Variants in MCC observed in about 807,000 individuals in gnomAD.
The protein encoded by MCC is MCC regulator of Wnt signaling pathway.
MCC carries 90 observed loss-of-function variants against 116.2 expected under a neutral mutation model. That is an observed-to-expected ratio of 0.77 (90% CI 0.65 to 0.92). The LOEUF is 0.92. MCC is among the 40% of genes least tolerant of loss of function. The probability of loss-of-function intolerance (pLI) is 0.00; values close to 1 mark genes in which losing one functional copy is unlikely to be tolerated. For synonymous variants in MCC, 578 were observed against 510.5 expected, an observed-to-expected ratio of 1.13 and a Z score of -1.78; for missense variants, 1,516 against 1,312.2, an observed-to-expected ratio of 1.16 and a Z score of -2.40.
intron 1 of MCC, among the ~76,000 whole-genome samples, chr5:113,432,349 G>GA (rs1292872382): frequency 7.5e-4 from 103 of 138,208 alleles, no homozygotes; most frequent in Admixed American, 1.1e-3. Context: ...AAAAAGAAAA[G>GA]AAAAAAAAAC....
At chr5:113,265,610 C>T (rs1288070191) in intron 3 of MCC, among the ~76,000 whole-genome samples, 2 of 152,132 alleles carry the variant, frequency 1.3e-5, no homozygotes, top group African/African-American at 4.8e-5. Flanking sequence ...TATGAACACA[C>T]CCCCTTTTCA....
At position 113,488,346 on chromosome 5, in the gene MCC, G is replaced by A. The variant is rs1249880350; in HGVS notation, c.69C>T (p.Gly23=). 6.6e-7 allele frequency: 1 copy of A among 1,511,750 alleles called. No homozygotes were observed. Among genetic ancestry groups the A allele is most frequent in the Non-Finnish European group, 8.8e-7 (1 of 1,135,720 alleles). The allele number at this position is 1,511,750 out of a possible 1,614,324, so 93.6% of individuals were successfully genotyped here. ...SSSGGGGGGS[G]SSSSSSDTSS... ...ACGTGTCGCTGCTGCTGCTGCTGCT[G>A]CCGCTGCCGCCGCCGCCGCCGCCGC... The change falls in exon 1 of 19, where the codon GGC becomes GGT. Residue 23 remains glycine, a synonymous_variant. Transcript: ENST00000408903.
chr5:113,131,447 G>A (rs978199041), intron 5 of MCC, among the ~76,000 whole-genome samples: 3 of 152,256 alleles, frequency 2.0e-5, no homozygotes, highest in Middle Eastern at 3.4e-3. Context: ...CAATTTTTCA[G>A]AAGGCCTTAT....
At chr5:113,177,980 T>C (rs1292220550) in intron 3 of MCC, among the ~76,000 whole-genome samples, 1 of 152,232 alleles carries the variant, frequency 6.6e-6, no homozygotes, top group Admixed American at 6.5e-5. Context: ...AGAAGACTAT[T>C]TCACTATGTT....
At chr5:113,333,829 ATATATG>A (rs1375361946) in intron 3 of MCC, among the ~76,000 whole-genome samples, 6 of 24,426 alleles carry the variant, frequency 2.5e-4, no homozygotes, top group African/African-American at 5.1e-4. Context: ...ACATATATGT[ATATATG>A]TATATATGTA....
Position 113,262,191 on chromosome 5 carries a change from G to T in MCC, c.627+78328C>A, listed in dbSNP as rs546721287. ...CCTCTAGGATGTCCTGCACTTTCAG[G>T]CTCCTCTCTTTAGCACATGCCTAAG... is the stretch of plus-strand genomic sequence containing the variant. On this transcript the variant is annotated intron_variant, in intron 3 of 18. Coordinates refer to ENST00000408903, the MANE Select transcript of MCC (RefSeq NM_001085377.2). Among the ~76,000 whole-genome samples the T allele has an allele frequency of 8.6e-5, 13 of 151,950 alleles. No homozygotes were observed. In the South Asian group the frequency reaches 2.1e-3, roughly 24 times the overall value.
intron 3 of MCC, among the ~76,000 whole-genome samples, chr5:113,218,002 C>T (rs1354381060): frequency 6.6e-6 from 1 of 151,692 alleles, no homozygotes; most frequent in East Asian, 1.9e-4. Context: ...CTGTCCCATG[C>T]TGACCAGACA....
intron 3 of MCC, among the ~76,000 whole-genome samples, chr5:113,289,311 A>C (rs946681562): frequency 7.4e-5 from 11 of 149,054 alleles, no homozygotes; most frequent in African/African-American, 2.8e-4. Flanking sequence ...CCTGGGTAAC[A>C]CAGAGAGGCT....
chr5:113,359,416 G>C (rs1389060114), intron 2 of MCC, among the ~76,000 whole-genome samples: 1 of 152,200 alleles, frequency 6.6e-6, no homozygotes, highest in Non-Finnish European at 1.5e-5. Context: ...TTAAGCACAG[G>C]CCTGAGAACA....
At chr5:113,187,295 G>C (rs1166874247) in intron 3 of MCC, among the ~76,000 whole-genome samples, 3 of 152,166 alleles carry the variant, frequency 2.0e-5, no homozygotes, top group African/African-American at 7.2e-5. Context: ...TTTTCGTAGA[G>C]ATCGGGTTTT....
chr5:113,184,472 G>GTGT (rs1761791251), intron 3 of MCC, among the ~76,000 whole-genome samples: 1 of 123,800 alleles, frequency 8.1e-6, no homozygotes, highest in African/African-American at 3.2e-5. Flanking sequence ...TTCTTTCTTC[G>GTGT]TTTTTTGTTT....
intron 8 of MCC, among the ~76,000 whole-genome samples, chr5:113,093,085 G>A (rs919832375): frequency 1.3e-5 from 2 of 152,166 alleles, no homozygotes; most frequent in African/African-American, 4.8e-5. Context: ...AAACATAAGA[G>A]AAGGCGACAG....
intron 3 of MCC, among the ~76,000 whole-genome samples, chr5:113,176,781 C>T (rs576128598): frequency 1.3e-5 from 2 of 152,164 alleles, no homozygotes; most frequent in South Asian, 2.1e-4. Flanking sequence ...TCTTCCTCCA[C>T]GTCCCTCTTA....
chr5:113,262,055 C>G (rs1765237434), intron 3 of MCC, among the ~76,000 whole-genome samples: 1 of 151,994 alleles, frequency 6.6e-6, no homozygotes, highest in African/African-American at 2.4e-5. Flanking sequence ...AAGATATTAA[C>G]TTTTTCATGA....
chr5:113,397,553 A>G (rs1769558674), intron 1 of MCC, among the ~76,000 whole-genome samples: 1 of 152,214 alleles, frequency 6.6e-6, no homozygotes, highest in South Asian at 2.1e-4. Context: ...TGTCAAGCCT[A>G]ATGGAATATT....
intron 3 of MCC, among the ~76,000 whole-genome samples, chr5:113,282,213 C>T (rs960747913): frequency 6.6e-6 from 1 of 152,102 alleles, no homozygotes; most frequent in African/African-American, 2.4e-5. Context: ...AGAGAAGGTG[C>T]CAAAAAACAG....
At chr5:113,044,572 T>C (rs960383269) in intron 16 of MCC, 4 of 706,386 alleles carry the variant, frequency 5.7e-6, no homozygotes, top group African/African-American at 3.9e-5. Flanking sequence ...TGTAAACAGA[T>C]ATTTTTTTGT....
intron 1 of MCC, 138 bp from the exon 2 acceptor site, chr5:113,385,350 A>T: frequency 2.2e-6 from 2 of 921,782 alleles, no homozygotes; most frequent in Non-Finnish European, 3.3e-6. Flanking sequence ...TTGTTTCTAG[A>T]AAAGTGATAA....
At chr5:113,441,625 T>C (rs562166917) in intron 1 of MCC, among the ~76,000 whole-genome samples, 3 of 152,240 alleles carry the variant, frequency 2.0e-5, no homozygotes, top group African/African-American at 7.2e-5. Context: ...CTACATTAGG[T>C]ATTTCTCCTA....
Sources: allele counts gnomAD v4.1 joint callset (sites outside exome capture counted in the v4.1 genomes callset), GRCh38; gene constraint gnomAD v4.1.1; transcripts MANE v1.5; gene names NCBI Gene and HGNC (gene_info 2026-07-23, HGNC 2026-07-21).